RO60: variants seen among roughly 807,000 people sequenced by gnomAD.
RO60 encodes the protein RNA-binding protein RO60.
Under a neutral mutation model 55.3 loss-of-function variants are expected in RO60, and 20 were observed. That is an observed-to-expected ratio of 0.36 (90% CI 0.25 to 0.53). RO60 has a LOEUF of 0.53. Among genes scored for constraint, RO60 ranks in the 20% least tolerant of loss-of-function variants. RO60 has a pLI of 0.92. For synonymous variants in RO60, 213 were observed against 213.6 expected, an observed-to-expected ratio of 1.00 and a Z score of 0.02; for missense variants, 558 against 646.6, an observed-to-expected ratio of 0.86 and a Z score of 1.49.
intron 5 of RO60, among the ~76,000 whole-genome samples, chr1:193,079,944 T>C (rs1674186524): frequency 6.8e-6 from 1 of 146,192 alleles, no homozygotes; most frequent in Non-Finnish European, 1.5e-5. Flanking sequence ...CTGGCCAACA[T>C]GGTGATACCC....
Position 193,059,690 on chromosome 1 carries a change from A to T in RO60, c.-108A>T. ...GTTGCTGTGGCTGTCGCTGCCCGTCAGGCTGCCTTCTTTTGTCGTTTCCCA... is the reference window on the plus strand; with the variant it reads ...GTTGCTGTGGCTGTCGCTGCCCGTCTGGCTGCCTTCTTTTGTCGTTTCCCA... On this transcript the variant is annotated 5_prime_UTR_variant, in exon 1 of 9. Transcript: ENST00000400968. The surrounding 1 kb of genome is among the most constrained non-coding windows in gnomAD (Gnocchi z 4.9). 1.5e-6 allele frequency: 2 copies of T among 1,360,900 alleles called. No homozygotes were observed. Among genetic ancestry groups the T allele is most frequent in the Non-Finnish European group, 2.0e-6 (2 of 1,020,938 alleles). 84.3% of individuals were successfully genotyped at this position (1,360,900 alleles called of 1,614,324 possible). A position where few individuals can be genotyped will look rare whatever the true frequency, so the allele number is the denominator to read the frequency against.
At position 193,069,622 on chromosome 1, in the gene RO60, C is replaced by G. The variant is rs56342941; in HGVS notation, c.568C>G (p.Pro190Ala). 1.4e-4 allele frequency: 225 copies of G among 1,608,372 alleles called. No homozygotes were observed. The highest frequency in any genetic ancestry group is 3.3e-4 in the Middle Eastern group (2 of 6,062). Residue 190 changes from proline (P) to alanine (A), a missense_variant, in exon 2 of 9, where the codon CCT becomes GCT. By Grantham distance (27) the Pro-to-Ala change is conservative. Coordinates refer to ENST00000400968, the MANE Select transcript of RO60 (RefSeq NM_001173524.2). ...TCTATTAAGATTGTCACATCTTAAA[C>G]CTTCCAGTGAAGGTAAGCATAAGAT... ...KDLLRLSHLK[P>A]SSEGLAIVTK...
chr1:193,085,895 T>G lies in RO60; in HGVS notation c.*1164T>G. ...TTTTTTCAGTATTATTTGTATGTAT[T>G]AAACTTTTCATTACACTAAAGTGCA... On this transcript the variant is annotated 3_prime_UTR_variant, in exon 9 of 9. Transcript: ENST00000400968. The G allele has an allele frequency of 1.0e-6, 1 of 985,290 alleles. No individual in the cohort carries two copies. The highest frequency in any genetic ancestry group is 1.2e-6 in the Non-Finnish European group (1 of 829,796). The allele number at this position is 985,290 out of a possible 1,614,324, so 61.0% of individuals were successfully genotyped here.
intron 1 of RO60, among the ~76,000 whole-genome samples, chr1:193,066,496 C>G (rs1673117554): frequency 6.6e-6 from 1 of 152,152 alleles, no homozygotes; most frequent in Admixed American, 6.6e-5. Context: ...TGGTCATTTT[C>G]TAGCCTTTTA....
Position 193,069,227 on chromosome 1 carries a change from C to T in RO60, c.173C>T (p.Ala58Val), listed in dbSNP as rs369254686. 57 of 1,614,044 alleles carry T rather than the reference C, an allele frequency of 3.5e-5. No homozygotes were observed. Among genetic ancestry groups the T allele is most frequent in the Non-Finnish European group, 4.6e-5 (54 of 1,180,036 alleles). ...GAACAGAAGTTGGGCCTTGAAAATG[C>T]TGAAGCTTTAATTAGATTGATTGAA... ...IKEQKLGLENAEALIRLIEDG... is the reference protein window; with the variant it reads ...IKEQKLGLENVEALIRLIEDG... Residue 58 changes from alanine (A) to valine (V), a missense_variant, in exon 2 of 9, where the codon GCT (alanine) becomes GTT (valine). By Grantham distance (64) the Ala-to-Val change is moderately conservative (BLOSUM62 0). Coordinates refer to ENST00000400968, the MANE Select transcript of RO60 (RefSeq NM_001173524.2).
Position 193,088,465 on chromosome 1 carries a change from C to A in RO60, c.*3734C>A, listed in dbSNP as rs964728082. On this transcript the variant is annotated 3_prime_UTR_variant, in exon 9 of 9. Coordinates refer to ENST00000400968, the MANE Select transcript of RO60 (RefSeq NM_001173524.2). The stretch of plus-strand genomic sequence containing the variant: ...GATAAGGTAGGATTCTTGAATAAAT[C>A]TGAAGGTCTCACAATTAAGTGAGAA... 2 of 151,476 alleles carry A rather than the reference C, an allele frequency of 1.3e-5. No homozygotes were observed. The highest frequency in any genetic ancestry group is 4.9e-5 in the African/African-American group (2 of 41,186). The allele number at this position is 151,476 out of a possible 1,614,324, so 9.4% of individuals were successfully genotyped here. A position where few individuals can be genotyped will look rare whatever the true frequency, so the allele number is the denominator to read the frequency against.
At chr1:193,076,480 C>T in intron 3 of RO60, 21 bp from the exon 4 acceptor site, 1 of 1,603,252 alleles carries the variant, frequency 6.2e-7, no homozygotes. Flanking sequence ...CCTGGTATTT[C>T]TGCCTATGTT....
chr1:193,069,554 C>A lies in RO60; in HGVS notation c.500C>A (p.Ala167Glu), dbSNP rs775806552. The change falls in exon 2 of 9, where the codon GCA (alanine) becomes GAA (glutamate). Residue 167 changes from alanine (A) to glutamate (E), a missense_variant. By Grantham distance (107) the Ala-to-Glu change is moderately radical. Transcript: ENST00000400968. ...AAAGGTGGCATGGCCCTTGCTCTGG[C>A]AGTTACAAAATATAAACAGAGAAAT... ...NEKGGMALAL[A>E]VTKYKQRNGW... The A allele has an allele frequency of 6.2e-7, 1 of 1,614,108 alleles. No individual in the cohort carries two copies. Among genetic ancestry groups the A allele is most frequent in the South Asian group, 1.1e-5 (1 of 91,086 alleles).
intron 5 of RO60, among the ~76,000 whole-genome samples, chr1:193,081,006 A>G (rs1674272659): frequency 1.3e-5 from 2 of 152,286 alleles, no homozygotes; most frequent in South Asian, 4.1e-4. Context: ...AAATGGTTAA[A>G]AAGGTCAAAT....
intron 2 of RO60, among the ~76,000 whole-genome samples, chr1:193,075,111 T>C (rs913510605): frequency 3.3e-5 from 5 of 152,160 alleles, no homozygotes; most frequent in African/African-American, 1.2e-4. Flanking sequence ...ATAGACATTT[T>C]AATGTTGTAA....
downstream of RO60, chr1:193,091,708 G>T (rs199910558): frequency 6.2e-7 from 1 of 1,603,820 alleles, no homozygotes; most frequent in African/African-American, 1.3e-5. Flanking sequence ...GGTGGACACT[G>T]TGTGAACTGT....
chr1:193,067,589 T>C (rs1035986523), intron 1 of RO60, among the ~76,000 whole-genome samples: 1 of 152,140 alleles, frequency 6.6e-6, no homozygotes, highest in East Asian at 1.9e-4. Flanking sequence ...TTGGTTGTGC[T>C]GTTTTGTTAG....
intron 5 of RO60, among the ~76,000 whole-genome samples, 171 bp downstream of exon 5, chr1:193,077,221 A>G (rs1673986078): frequency 6.6e-6 from 1 of 152,188 alleles, no homozygotes; most frequent in African/African-American, 2.4e-5. Flanking sequence ...TAAGTTTAAG[A>G]GTAAAGTATT....
Position 193,085,944 on chromosome 1 carries a change from T to A in RO60, c.*1213T>A. 1 of 985,262 alleles carries A rather than the reference T, an allele frequency of 1.0e-6. No homozygotes were observed. 61.0% of individuals were successfully genotyped at this position (985,262 alleles called of 1,614,324 possible). A position where few individuals can be genotyped will look rare whatever the true frequency, so the allele number is the denominator to read the frequency against. ...CATTATTTTATTGAGCAAGTATCCT[T>A]CATTGTGAGGTTTAACATTAAAGCA... On this transcript the variant is annotated 3_prime_UTR_variant, in exon 9 of 9. Coordinates refer to ENST00000400968, the MANE Select transcript of RO60 (RefSeq NM_001173524.2).
chr1:193,085,906 T>C lies in RO60; in HGVS notation c.*1175T>C. The C allele has an allele frequency of 1.0e-6, 1 of 985,212 alleles. No individual in the cohort carries two copies. The allele number at this position is 985,212 out of a possible 1,614,324, so 61.0% of individuals were successfully genotyped here. On this transcript the variant is annotated 3_prime_UTR_variant, in exon 9 of 9. Coordinates refer to ENST00000400968, the MANE Select transcript of RO60 (RefSeq NM_001173524.2). ...TTATTTGTATGTATTAAACTTTTCATTACACTAAAGTGCATTATTTTATTG... is the reference window on the plus strand; with the variant it reads ...TTATTTGTATGTATTAAACTTTTCACTACACTAAAGTGCATTATTTTATTG...
At chr1:193,082,911 C>T (rs942689719) in intron 8 of RO60, among the ~76,000 whole-genome samples, 4 of 151,796 alleles carry the variant, frequency 2.6e-5, no homozygotes, top group Admixed American at 6.6e-5. Context: ...ACTACAGGAG[C>T]GTGCCACCAT....
At position 193,076,917 on chromosome 1, in the gene RO60, G is replaced by C. The variant is rs370244149; in HGVS notation, c.953G>C (p.Arg318Pro). ...TTCCTTATACTTTGTTTCTAGGCTCGTATACATCCATTTCATATTTTGATC... is the reference window on the plus strand; with the variant it reads ...TTCCTTATACTTTGTTTCTAGGCTCCTATACATCCATTTCATATTTTGATC... ...LCNEKLLKKARIHPFHILIAL... is the reference protein window; with the variant it reads ...LCNEKLLKKAPIHPFHILIAL... The change falls in exon 5 of 9, where the codon CGT (arginine) becomes CCT (proline). Residue 318 changes from arginine (R) to proline (P), a missense_variant. Coordinates refer to ENST00000400968, the MANE Select transcript of RO60 (RefSeq NM_001173524.2). The C allele has an allele frequency of 5.0e-6, 8 of 1,610,554 alleles. No homozygotes were observed. Among genetic ancestry groups the C allele is most frequent in the Non-Finnish European group, 6.8e-6 (8 of 1,178,044 alleles).
chr1:193,083,304 T>C (rs149322843), intron 8 of RO60, among the ~76,000 whole-genome samples: 275 of 152,340 alleles, frequency 1.8e-3, no homozygotes, highest in African/African-American at 6.5e-3. Flanking sequence ...AATAATTCAG[T>C]GTGCTCCTTG....
At chr1:193,080,586 A>G (rs1040648047) in intron 5 of RO60, among the ~76,000 whole-genome samples, 2 of 152,200 alleles carry the variant, frequency 1.3e-5, no homozygotes, top group African/African-American at 4.8e-5. Context: ...CATTGCTAGT[A>G]TATAGAAATA....
Sources: gnomAD v4.1 joint callset for allele counts (sites outside exome capture counted in the v4.1 genomes callset) on GRCh38, gnomAD v4.1.1 for gene constraint, Gnocchi (gnomAD v3.1) non-coding constraint, MANE v1.5 for transcripts, NCBI Gene and HGNC (gene_info 2026-07-23, HGNC 2026-07-21) for gene names.